Variants in COL12A1 observed in about 807,000 individuals in gnomAD.
COL12A1 encodes collagen type XII alpha 1 chain.
Under a neutral mutation model 349.7 loss-of-function variants are expected in COL12A1, and 114 were observed. The ratio of observed to expected loss-of-function variants is 0.33; its 90% CI spans 0.28 to 0.38. The LOEUF is 0.38. Ranked by LOEUF, COL12A1 falls within the 10% of genes least tolerant of loss-of-function variation. COL12A1 has a pLI of 1.00. For missense variants in COL12A1, 3,284 were observed against 3,756.9 expected (o/e 0.87, Z 3.29); for synonymous variants, 1,369 against 1,329.0 (o/e 1.03, Z -0.66).
intron 39 of COL12A1, 75 bp downstream of exon 39, chr6:75,126,276 G>A: frequency 1.3e-6 from 2 of 1,502,322 alleles, no homozygotes; most frequent in Non-Finnish European, 1.8e-6. Flanking sequence ...CAACAGTGGG[G>A]GATGAAAGAG....
chr6:75,160,381 T>C (rs559124596), intron 14 of COL12A1, among the ~76,000 whole-genome samples: 2 of 152,296 alleles, frequency 1.3e-5, no homozygotes, highest in East Asian at 3.9e-4. Flanking sequence ...AAAGCAATCT[T>C]AAAGACATTC....
At chr6:75,128,239 C>T (rs564555616) in intron 38 of COL12A1, 57 bp downstream of exon 38, 1 of 1,453,876 alleles carries the variant, frequency 6.9e-7, no homozygotes, top group Non-Finnish European at 9.1e-7. Flanking sequence ...ATAAAAGCAA[C>T]ATTAACATAT....
intron 49 of COL12A1, 133 bp from the exon 50 acceptor site, chr6:75,113,877 T>TAAATAGCCTC: frequency 1.6e-6 from 1 of 628,426 alleles, no homozygotes; most frequent in Non-Finnish European, 2.4e-6. Flanking sequence ...ATGGGTAGTA[T>TAAATAGCCTC]TAGAGGCTAT....
chr6:75,134,867 A>T lies in COL12A1; in HGVS notation c.5395-12T>A. 1 of 1,608,014 alleles carries T rather than the reference A, an allele frequency of 6.2e-7. No individual in the cohort carries two copies. The highest frequency in any genetic ancestry group is 8.5e-7 in the Non-Finnish European group (1 of 1,176,040). On this transcript the variant is annotated splice_polypyrimidine_tract_variant and intron_variant, in intron 31 of 65. Transcript: ENST00000322507. ...CCTCCTATTGTGGTCTTGAGTAAAA[A>T]GGGTCTTGGTAAGTGTCAGCCTTGC...
In COL12A1 at chr6:75,155,774, G is replaced by A. The variant is rs1272550670; in HGVS notation, c.3331C>T (p.Pro1111Ser). The change falls in exon 16 of 66, where the codon CCT becomes TCT. Residue 1111 changes from proline (P) to serine (S), a missense_variant. This residue lies in a region of COL12A1 where 2,601 missense variants were observed against 2,824.8 expected (regional missense o/e 0.92). Coordinates refer to ENST00000322507, the MANE Select transcript of COL12A1 (RefSeq NM_004370.6). ...ACTTTATAACCCTTCACTTCCCCAG[G>A]GGCAGGCTCCCAAGTCACTCGGAAG... ...SSFRVTWEPA[P>S]GEVKGYKVTF... is the part of the protein sequence containing the mutation. 2 of 1,613,504 alleles carry A rather than the reference G, an allele frequency of 1.2e-6. No homozygotes were observed. Among genetic ancestry groups the A allele is most frequent in the Admixed American group, 1.7e-5 (1 of 59,940 alleles).
At chr6:75,139,261 A>C (rs1327007269) in intron 27 of COL12A1, among the ~76,000 whole-genome samples, 1 of 152,212 alleles carries the variant, frequency 6.6e-6, no homozygotes, top group African/African-American at 2.4e-5. Flanking sequence ...ACAGCAATAC[A>C]CAATACACAA....
intron 60 of COL12A1, among the ~76,000 whole-genome samples, chr6:75,092,450 A>G (rs1767818061): frequency 6.6e-6 from 1 of 152,172 alleles, no homozygotes; most frequent in Admixed American, 6.5e-5. Context: ...TTGTCCCTAC[A>G]CTGTCATAAG....
rs1767766226 is a variant in COL12A1 at position 75,091,514 on chromosome 6, C to G, written c.8661G>C (p.Gly2887=). ...CCCTATCACCTTTTTCTCCTTTCAA[C>G]CCAGATGGACCCTGAAAAATATGAA... is the stretch of plus-strand genomic sequence containing the variant. ...PGDHGRPGPS[G]LKGEKGDRGD... Residue 2887 remains glycine (G), a synonymous_variant, in exon 61 of 66, where the codon GGG becomes GGC. Transcript: ENST00000322507. 6.2e-7 allele frequency: 1 copy of G among 1,611,750 alleles called. No individual in the cohort carries two copies. Among genetic ancestry groups the G allele is most frequent in the African/African-American group, 1.3e-5 (1 of 74,846 alleles).
rs550319668 is a variant in COL12A1 at position 75,119,872 on chromosome 6, G to A, written c.7087-399C>T. ...CTGCTACTTCCCACTGACTATATCC[G>A]TTCTTTATGGCAATACAGAAATGTC... On this transcript the variant is annotated intron_variant, in intron 44 of 65. Coordinates refer to ENST00000322507, the MANE Select transcript of COL12A1 (RefSeq NM_004370.6). Among the ~76,000 whole-genome samples the A allele has an allele frequency of 4.4e-4, 67 of 152,176 alleles. 1 individual carries two copies. Among genetic ancestry groups the A allele is most frequent in the African/African-American group, 1.6e-3 (67 of 41,516 alleles).
At chr6:75,112,377 GT>G (rs532988430) in intron 51 of COL12A1, among the ~76,000 whole-genome samples, 11 of 151,710 alleles carry the variant, frequency 7.3e-5, no homozygotes, top group African/African-American at 2.7e-4. Flanking sequence ...TAAAATAGAA[GT>G]TTTTTTAAAA....
Position 75,156,454 on chromosome 6 carries a change from GGTTTCCATGTAA to G in COL12A1, c.3041_3052del (p.Val1014_Pro1018delinsAla), listed in dbSNP as rs1484908634. ...GTAGTTGACGACTTTCCCTGGTGCT[GGTTTCCATGTAA>G]CTCTCATTGTGTTTTCTGTTTCTTC... On this transcript the variant is annotated inframe_deletion, in exon 15 of 66. Transcript: ENST00000322507. 1.2e-6 allele frequency: 2 copies of G among 1,613,672 alleles called. No individual in the cohort carries two copies. Among genetic ancestry groups the G allele is most frequent in the African/African-American group, 2.7e-5 (2 of 74,848 alleles).
At position 75,182,986 on chromosome 6, in the gene COL12A1, C is replaced by A. The variant is rs143292576; in HGVS notation, c.1891+64G>T. 145 of 1,515,556 alleles carry A rather than the reference C, an allele frequency of 9.6e-5. No individual in the cohort carries two copies. The African/African-American group carries it at 1.5e-3, about 16-fold the overall frequency. 93.9% of individuals were successfully genotyped at this position (1,515,556 alleles called of 1,614,324 possible). On this transcript the variant is annotated intron_variant, in intron 10 of 65. Transcript: ENST00000322507. ...AAGAATTGAACAAGCATATTATCCA[C>A]AATTTTAGAACCAAAAATTCTTTGT...
intron 49 of COL12A1, 33 bp from the exon 50 acceptor site, chr6:75,113,777 A>T (rs770264330): frequency 1.1e-5 from 16 of 1,498,210 alleles, no homozygotes; most frequent in Non-Finnish European, 1.4e-5. Context: ...GAAAAAGGAG[A>T]GGAAAGAAAA....
chr6:75,175,189 C>G lies in COL12A1; in HGVS notation c.2559G>C (p.Gly853=), dbSNP rs769813810. 1.2e-6 allele frequency: 2 copies of G among 1,614,024 alleles called. No homozygotes were observed. The highest frequency in any genetic ancestry group is 1.7e-6 in the Non-Finnish European group (2 of 1,180,040). Residue 853 remains glycine, a synonymous_variant, in exon 13 of 66, where the codon GGG becomes GGC. Coordinates refer to ENST00000322507, the MANE Select transcript of COL12A1 (RefSeq NM_004370.6). ...TCACAGTGACCTCTTGAGTTTCACCCCCTGCCACTGGGGTATATGTGACGA... is the reference window on the plus strand; with the variant it reads ...TCACAGTGACCTCTTGAGTTTCACCGCCTGCCACTGGGGTATATGTGACGA... ...QYLVTYTPVA[G]GETQEVTVRG... is the part of the protein sequence containing the mutation.
In COL12A1 at chr6:75,156,446, C is replaced by T; in HGVS notation, c.3061G>A (p.Gly1021Arg). 1 of 1,613,900 alleles carries T rather than the reference C, an allele frequency of 6.2e-7. No individual in the cohort carries two copies. ...TMRVTWKPAPGKVVNYRVVYR... is the reference protein window; with the variant it reads ...TMRVTWKPAPRKVVNYRVVYR... The stretch of plus-strand genomic sequence containing the variant: ...ACAACACGGTAGTTGACGACTTTCC[C>T]TGGTGCTGGTTTCCATGTAACTCTC... The change falls in exon 15 of 66, where the codon GGG becomes AGG. Residue 1021 changes from glycine to arginine, a missense_variant. Physicochemically the swap from Gly to Arg is moderately radical, Grantham distance 125. Coordinates refer to ENST00000322507, the MANE Select transcript of COL12A1 (RefSeq NM_004370.6).
At chr6:75,116,261 T>C (rs191796729) in intron 47 of COL12A1, among the ~76,000 whole-genome samples, 123 of 152,280 alleles carry the variant, frequency 8.1e-4, no homozygotes, top group African/African-American at 2.7e-3. Context: ...GTAACAAATA[T>C]TTCCCTAACA....
Position 75,138,580 on chromosome 6 carries a change from T to C in COL12A1, c.5098A>G (p.Thr1700Ala). 1 of 1,613,294 alleles carries C rather than the reference T, an allele frequency of 6.2e-7. No individual in the cohort carries two copies. The highest frequency in any genetic ancestry group is 8.5e-7 in the Non-Finnish European group (1 of 1,179,760). The change falls in exon 29 of 66, where the codon ACC becomes GCC. Residue 1700 changes from threonine (T) to alanine (A), a missense_variant and splice_region_variant. Transcript: ENST00000322507. ...APFGSSDKME[T>A]ILNGDENTLV... Reference sequence around the variant, plus strand: ...GTGTTTTCATCTCCATTTAAGATGGTCTTGGAGAAAGAGGACAAAAACATA... The same window carrying C: ...GTGTTTTCATCTCCATTTAAGATGGCCTTGGAGAAAGAGGACAAAAACATA...
At position 75,117,455 on chromosome 6, in the gene COL12A1, A is replaced by C; in HGVS notation, c.7446T>G (p.Ile2482Met). 1.2e-6 allele frequency: 2 copies of C among 1,613,802 alleles called. No individual in the cohort carries two copies. The highest frequency in any genetic ancestry group is 1.7e-6 in the Non-Finnish European group (2 of 1,179,748). Residue 2482 changes from isoleucine (I) to methionine (M), a missense_variant, in exon 47 of 66, where the codon ATT becomes ATG. By Grantham distance (10) the Ile-to-Met change is conservative (BLOSUM62 1). This residue lies in a region of COL12A1 where 683 missense variants were observed against 932.1 expected (regional missense o/e 0.73). Coordinates refer to ENST00000322507, the MANE Select transcript of COL12A1 (RefSeq NM_004370.6). ...ASKPSERHVFIVDDFESFEKI... is the reference protein window; with the variant it reads ...ASKPSERHVFMVDDFESFEKI... ...TCTCAAAAGATTCAAAGTCGTCCACAATGAACACGTGCCGTTCACTTGGTT... is the reference window on the plus strand; with the variant it reads ...TCTCAAAAGATTCAAAGTCGTCCACCATGAACACGTGCCGTTCACTTGGTT...
chr6:75,190,150 C>A (rs984252180), intron 5 of COL12A1, among the ~76,000 whole-genome samples: 1 of 151,900 alleles, frequency 6.6e-6, no homozygotes, highest in South Asian at 2.1e-4. Flanking sequence ...TTTTTATAAA[C>A]TATACCCTCA....
Sources: gnomAD v4.1 joint callset for allele counts (sites outside exome capture counted in the v4.1 genomes callset) on GRCh38, gnomAD v4.1.1 for gene constraint, gnomAD v4.1.1 regional missense constraint, MANE v1.5 for transcripts, NCBI Gene and HGNC (gene_info 2026-07-23, HGNC 2026-07-21) for gene names.